ZMYM2: variants seen among roughly 807,000 people sequenced by gnomAD.
ZMYM2 encodes the protein zinc finger MYM-type protein 2.
ZMYM2 carries 56 observed loss-of-function variants against 162.8 expected under a neutral mutation model. The observed-to-expected ratio is 0.34, with a 90% CI of 0.28 to 0.43. The LOEUF is 0.43. Among genes scored for constraint, ZMYM2 ranks in the 20% least tolerant of loss-of-function variants. The pLI, the probability that ZMYM2 is intolerant of heterozygous loss-of-function variation, is 1.00. For synonymous variants in ZMYM2, 510 were observed against 541.6 expected, an observed-to-expected ratio of 0.94 and a Z score of 0.81; for missense variants, 1,275 against 1,621.8, an observed-to-expected ratio of 0.79 and a Z score of 3.67.
the ZMYM2 span, among the ~76,000 whole-genome samples, chr13:19,878,514 G>GCCC: frequency 9.0e-5 from 9 of 100,296 alleles, no homozygotes; most frequent in African/African-American, 3.7e-4. Context: ...CAATTCCTTT[G>GCCC]CCCTTTTTTT....
chr13:20,012,261 C>T (rs898668480), intron 6 of ZMYM2, among the ~76,000 whole-genome samples: 9 of 152,084 alleles, frequency 5.9e-5, no homozygotes, highest in African/African-American at 1.7e-4. Flanking sequence ...CTGCAGCCTC[C>T]GCCTCCTGGG....
chr13:19,918,991 T>G, the ZMYM2 span, among the ~76,000 whole-genome samples: 1 of 152,200 alleles, frequency 6.6e-6, no homozygotes, highest in Admixed American at 6.5e-5. Context: ...ATGTCCCATG[T>G]GTTCCCTCTT....
the ZMYM2 span, among the ~76,000 whole-genome samples, chr13:19,946,926 T>C: frequency 2.6e-5 from 4 of 152,346 alleles, no homozygotes; most frequent in Non-Finnish European, 5.9e-5. Flanking sequence ...GTGTCTAATA[T>C]CTTCATCTCC....
At chr13:20,008,118 T>A (rs2140001822) in intron 6 of ZMYM2, among the ~76,000 whole-genome samples, 1 of 152,206 alleles carries the variant, frequency 6.6e-6, no homozygotes, top group Admixed American at 6.5e-5. Context: ...TATAACTAAC[T>A]ATAATTGTTG....
the ZMYM2 span, among the ~76,000 whole-genome samples, chr13:19,865,323 C>T: frequency 0.5 from 76,718 of 152,124 alleles, 23,655 homozygotes; most frequent in East Asian, 0.78. Context: ...CGTCCTGGGC[C>T]GCATGCAACC....
intron 14 of ZMYM2, among the ~76,000 whole-genome samples, chr13:20,054,567 T>TTA (rs994631813): frequency 6.6e-6 from 1 of 152,222 alleles, no homozygotes; most frequent in African/African-American, 2.4e-5. Context: ...GCTTTTGTCA[T>TTA]TATAATTTTT....
intron 3 of ZMYM2, among the ~76,000 whole-genome samples, chr13:20,002,525 A>G (rs1211434633): frequency 4.6e-5 from 7 of 152,092 alleles, no homozygotes. Flanking sequence ...AAACTTGTAT[A>G]TTTATTTATT....
intron 2 of ZMYM2, 88 bp from the exon 3 acceptor site, chr13:19,992,975 A>G: frequency 7.2e-7 from 1 of 1,389,436 alleles, no homozygotes; most frequent in Non-Finnish European, 9.6e-7. Flanking sequence ...AAAATAAAAT[A>G]AAAGTACCCT....
At chr13:20,012,478 C>G (rs1448074298) in intron 6 of ZMYM2, among the ~76,000 whole-genome samples, 1 of 152,162 alleles carries the variant, frequency 6.6e-6, no homozygotes, top group African/African-American at 2.4e-5. Context: ...CCACGCCCAG[C>G]TGGAAGTCTT....
the ZMYM2 span, among the ~76,000 whole-genome samples, chr13:19,873,552 G>T: frequency 6.6e-6 from 1 of 152,044 alleles, no homozygotes; most frequent in African/African-American, 2.4e-5. Context: ...GTGATTACAG[G>T]CATGTGTCAC....
At position 20,027,275 on chromosome 13, in the gene ZMYM2, A is replaced by G. The variant is rs904409219; in HGVS notation, c.1808A>G (p.Lys603Arg). Residue 603 changes from lysine (K) to arginine (R), a missense_variant, in exon 9 of 25, where the codon AAA (lysine) becomes AGA (arginine). By Grantham distance (26) the Lys-to-Arg change is conservative. Transcript: ENST00000610343. ...PQYQATMPDGKLYNFCNSSCV... is the reference protein window; with the variant it reads ...PQYQATMPDGRLYNFCNSSCV... ...TACCAAGCCACAATGCCTGATGGAA[A>G]ACTGTACAACTTTTGCAATTCCAGT... The G allele has an allele frequency of 1.2e-5, 19 of 1,581,710 alleles. No individual in the cohort carries two copies. The highest frequency in any genetic ancestry group is 1.5e-5 in the Non-Finnish European group (17 of 1,161,856).
intron 14 of ZMYM2, 130 bp from the exon 15 acceptor site, chr13:20,058,445 A>C: frequency 5.6e-6 from 6 of 1,068,470 alleles, no homozygotes; most frequent in Non-Finnish European, 7.9e-6. Flanking sequence ...CATAGGGATA[A>C]TAGCATAATT....
chr13:20,045,593 C>T (rs997943213), intron 12 of ZMYM2, among the ~76,000 whole-genome samples: 1 of 152,162 alleles, frequency 6.6e-6, no homozygotes, highest in Non-Finnish European at 1.5e-5. Context: ...TTAGCACATA[C>T]AAGTGCACTT....
At chr13:19,908,108 C>A in the ZMYM2 span, among the ~76,000 whole-genome samples, 1 of 150,502 alleles carries the variant, frequency 6.6e-6, no homozygotes, top group East Asian at 2.0e-4. Flanking sequence ...GGCAACATGG[C>A]AAAACCCTGT....
rs1953110473 is a variant in ZMYM2 at position 20,031,285 on chromosome 13, T to C, written c.1852-34T>C. 7.7e-6 allele frequency: 11 copies of C among 1,437,528 alleles called. 1 individual carries two copies. Among genetic ancestry groups the C allele is most frequent in the South Asian group, 5.0e-5 (4 of 80,500 alleles). 89.0% of individuals were successfully genotyped at this position (1,437,528 alleles called of 1,614,324 possible). On this transcript the variant is annotated intron_variant, in intron 9 of 24. Coordinates refer to ENST00000610343, the MANE Select transcript of ZMYM2 (RefSeq NM_197968.4). The stretch of plus-strand genomic sequence containing the variant: ...TCACAAATAGAAATTCAAACATACA[T>C]GTCAGGCTTAGTATCTTTTGTTCTT...
chr13:20,015,557 G>C (rs765528846), intron 6 of ZMYM2, among the ~76,000 whole-genome samples: 1 of 152,088 alleles, frequency 6.6e-6, no homozygotes, highest in Non-Finnish European at 1.5e-5. Flanking sequence ...ATGGTGTATT[G>C]ATGTCTCCAG....
At chr13:20,058,471 G>A (rs145684723) in intron 14 of ZMYM2, 104 bp from the exon 15 acceptor site, 48 of 1,380,114 alleles carry the variant, frequency 3.5e-5, no homozygotes, top group Non-Finnish European at 4.2e-5. Flanking sequence ...ATCCTCTTCT[G>A]CTTTTGTGTG....
chr13:19,988,186 C>T (rs180966856), intron 2 of ZMYM2, among the ~76,000 whole-genome samples: 2 of 152,194 alleles, frequency 1.3e-5, no homozygotes, highest in Admixed American at 6.5e-5. Flanking sequence ...AAAATAAGAC[C>T]TTGGTATTCT....
chr13:20,047,741 G>A (rs990500649), intron 12 of ZMYM2, among the ~76,000 whole-genome samples: 1 of 151,996 alleles, frequency 6.6e-6, no homozygotes, highest in African/African-American at 2.4e-5. Flanking sequence ...CTATATCATG[G>A]TTTGCTTCTA....
Sources: allele counts gnomAD v4.1 joint callset (sites outside exome capture counted in the v4.1 genomes callset), GRCh38; gene constraint gnomAD v4.1.1; transcripts MANE v1.5; gene names NCBI Gene and HGNC (gene_info 2026-07-23, HGNC 2026-07-21).